Variants in SHROOM3 observed in about 807,000 individuals in gnomAD.
The protein encoded by SHROOM3 is protein Shroom3.
A neutral mutation model predicts 138.6 loss-of-function variants in SHROOM3; 47 were observed. The ratio of observed to expected loss-of-function variants is 0.34; its 90% CI spans 0.27 to 0.43. The LOEUF (loss-of-function observed/expected upper bound fraction) is 0.43, where lower values mean the gene tolerates loss of function less well. Among genes scored for constraint, SHROOM3 ranks in the 20% least tolerant of loss-of-function variants. SHROOM3 has a pLI of 1.00. For missense variants in SHROOM3, 2,491 were observed against 2,596.5 expected (o/e 0.96, Z 0.88); for synonymous variants, 1,062 against 1,063.3 (o/e 1.00, Z 0.02).
chr4:76,629,153 A>G (rs571499170), intron 2 of SHROOM3, among the ~76,000 whole-genome samples: 4 of 152,182 alleles, frequency 2.6e-5, no homozygotes, highest in Non-Finnish European at 5.9e-5. Flanking sequence ...GCTGGTTGTA[A>G]TTTTAAATAA....
intron 1 of SHROOM3, among the ~76,000 whole-genome samples, chr4:76,436,771 C>A (rs1323255897): frequency 6.6e-6 from 1 of 152,154 alleles, no homozygotes; most frequent in Non-Finnish European, 1.5e-5. Flanking sequence ...ATATTTGAAT[C>A]CCTTTTTAAA....
At chr4:76,759,001 C>G (rs529907370) in intron 8 of SHROOM3, among the ~76,000 whole-genome samples, 2 of 152,178 alleles carry the variant, frequency 1.3e-5, no homozygotes, top group South Asian at 4.1e-4. Flanking sequence ...TCACTGCGGA[C>G]CAGCAAACTG....
chr4:76,515,473 A>G (rs970298284), intron 1 of SHROOM3, among the ~76,000 whole-genome samples: 1 of 152,030 alleles, frequency 6.6e-6, no homozygotes, highest in Non-Finnish European at 1.5e-5. Flanking sequence ...AGAAATTTCC[A>G]TTGTTCTCTG....
intron 1 of SHROOM3, among the ~76,000 whole-genome samples, chr4:76,440,457 T>A (rs1217933661): frequency 2.6e-5 from 4 of 152,236 alleles, no homozygotes; most frequent in African/African-American, 7.2e-5. Context: ...GAGTGAAGTA[T>A]GGGATTGATA....
intron 2 of SHROOM3, among the ~76,000 whole-genome samples, chr4:76,662,909 G>A (rs961352352): frequency 6.6e-6 from 1 of 151,852 alleles, no homozygotes; most frequent in Non-Finnish European, 1.5e-5. Context: ...GAGGTAGAGG[G>A]AGAGGGAGAG....
intron 1 of SHROOM3, among the ~76,000 whole-genome samples, chr4:76,524,962 A>T (rs1477633850): frequency 6.6e-6 from 1 of 152,230 alleles, no homozygotes; most frequent in Non-Finnish European, 1.5e-5. Flanking sequence ...ATAAATGCCC[A>T]GAAGAGTGCA....
At position 76,460,827 on chromosome 4, in the gene SHROOM3, C is replaced by CAAAAAAAAAAAAAAAAAAAA. The variant is rs58793404; in HGVS notation, c.168+24624_168+24625insAAAAAAAAAAAAAAAAAAAA. ...GTAACACAGTGAAAGCCCGTATCTA[C>CAAAAAAAAAAAAAAAAAAAA]AAAAAAAAAAAAAAAAATTAGCCAG... On this transcript the variant is annotated intron_variant, in intron 1 of 10. Transcript: ENST00000296043. Among the ~76,000 whole-genome samples, 18 of 78,770 alleles carry CAAAAAAAAAAAAAAAAAAAA rather than the reference C, an allele frequency of 2.3e-4. 3 individuals are homozygous for CAAAAAAAAAAAAAAAAAAAA. The highest frequency in any genetic ancestry group is 3.4e-4 in the African/African-American group (8 of 23,410). 51.7% of individuals were successfully genotyped at this position (78,770 alleles called of 152,430 possible).
chr4:76,468,055 C>G (rs1731282583), intron 1 of SHROOM3, among the ~76,000 whole-genome samples: 1 of 152,148 alleles, frequency 6.6e-6, no homozygotes, highest in African/African-American at 2.4e-5. Flanking sequence ...GGGAGCCAGA[C>G]CAGTTAAGAG....
chr4:76,572,855 T>C (rs1733859513), intron 2 of SHROOM3, among the ~76,000 whole-genome samples: 1 of 151,976 alleles, frequency 6.6e-6, no homozygotes, highest in Non-Finnish European at 1.5e-5. Flanking sequence ...CCAAAGCAGG[T>C]GGATCACTTG....
chr4:76,583,582 A>T (rs1330903270), intron 2 of SHROOM3, among the ~76,000 whole-genome samples: 1 of 152,230 alleles, frequency 6.6e-6, no homozygotes, highest in Non-Finnish European at 1.5e-5. Context: ...CAAAGCCTTT[A>T]TCTCAGAGGG....
At chr4:76,642,207 G>C (rs1735690046) in intron 2 of SHROOM3, among the ~76,000 whole-genome samples, 1 of 152,116 alleles carries the variant, frequency 6.6e-6, no homozygotes. Context: ...TCTTCTAATG[G>C]ATCATGAGCT....
chr4:76,436,360 T>A, intron 1 of SHROOM3, 140 bp downstream of exon 1: 1 of 929,746 alleles, frequency 1.1e-6, no homozygotes, highest in Admixed American at 2.4e-5. Flanking sequence ...TCTAGAAATA[T>A]TTTGGATAGC....
intron 3 of SHROOM3, among the ~76,000 whole-genome samples, chr4:76,721,078 G>A (rs1720533339): frequency 6.6e-6 from 1 of 151,842 alleles, no homozygotes; most frequent in South Asian, 2.1e-4. Flanking sequence ...TTGGGAGGCC[G>A]AGGCGGGCGG....
Position 76,585,470 on chromosome 4 carries a change from CTG to C in SHROOM3, c.323+29708_323+29709del, listed in dbSNP as rs942935221. On this transcript the variant is annotated intron_variant, in intron 2 of 10. Transcript: ENST00000296043. ...TTACTGTTAAGCTGACCCCTACAGT[CTG>C]GGGCAAATACCAAACTTGAATCAAG... Among the ~76,000 whole-genome samples the C allele has an allele frequency of 1.6e-4, 24 of 152,188 alleles. 1 individual carries two copies. Among genetic ancestry groups the C allele is most frequent in the Admixed American group, 1.5e-3 (23 of 15,276 alleles).
chr4:76,479,190 G>A (rs1007491102), intron 1 of SHROOM3, among the ~76,000 whole-genome samples: 6 of 151,884 alleles, frequency 4.0e-5, no homozygotes, highest in Non-Finnish European at 7.4e-5. Context: ...CTGAGCTAAA[G>A]GAGCATGTCC....
rs752633476 is a variant in SHROOM3 at position 76,730,799 on chromosome 4, C to T, written c.456-5C>T. 1.3e-5 allele frequency: 21 copies of T among 1,613,776 alleles called. No individual in the cohort carries two copies. Among genetic ancestry groups the T allele is most frequent in the Non-Finnish European group, 1.4e-5 (16 of 1,179,954 alleles). On this transcript the variant is annotated splice_polypyrimidine_tract_variant and splice_region_variant and intron_variant, in intron 3 of 10. Coordinates refer to ENST00000296043, the MANE Select transcript of SHROOM3 (RefSeq NM_020859.4). ...TGTTGGGGGGTCCCTCCTGTGTCTC[C>T]CCAGGCGCAGTGAGCCTGCAGGCCG...
chr4:76,670,757 A>G (rs1170868977), intron 2 of SHROOM3, among the ~76,000 whole-genome samples: 1 of 152,128 alleles, frequency 6.6e-6, no homozygotes, highest in East Asian at 1.9e-4. Flanking sequence ...AACTTAGACC[A>G]CCCTGGGCAA....
chr4:76,606,151 T>G (rs1190340279), intron 2 of SHROOM3, among the ~76,000 whole-genome samples: 1 of 149,454 alleles, frequency 6.7e-6, no homozygotes, highest in Non-Finnish European at 1.5e-5. Context: ...GTAGCTGGTA[T>G]TACAGGCGCC....
intron 10 of SHROOM3, among the ~76,000 whole-genome samples, chr4:76,778,155 G>A (rs1209090282): frequency 6.6e-6 from 1 of 151,768 alleles, no homozygotes; most frequent in Non-Finnish European, 1.5e-5. Context: ...TGATGCCACT[G>A]CTGCTGGTCC....
Sources: allele counts gnomAD v4.1 joint callset (sites outside exome capture counted in the v4.1 genomes callset), GRCh38; gene constraint gnomAD v4.1.1; transcripts MANE v1.5; gene names NCBI Gene and HGNC (gene_info 2026-07-23, HGNC 2026-07-21).